The following ADAP1 variants were observed in gnomAD, a reference collection of about 807,000 sequenced individuals.
The protein encoded by ADAP1 is ArfGAP with dual PH domains 1.
In ADAP1, 31 loss-of-function variants were observed where a neutral mutation model predicts 54.9. That is an observed-to-expected ratio of 0.56 (90% CI 0.42 to 0.76). The LOEUF is 0.76. Among genes scored for constraint, ADAP1 ranks in the 30% least tolerant of loss-of-function variants. The probability of loss-of-function intolerance (pLI) is 0.00; values close to 1 mark genes in which losing one functional copy is unlikely to be tolerated. For synonymous variants in ADAP1, 313 were observed against 202.6 expected, an observed-to-expected ratio of 1.55 and a Z score of -4.63; for missense variants, 535 against 512.4, an observed-to-expected ratio of 1.04 and a Z score of -0.42.
intron 1 of ADAP1, among the ~76,000 whole-genome samples, chr7:941,782 T>G (rs1353958099): frequency 2.0e-5 from 3 of 152,118 alleles, no homozygotes; most frequent in African/African-American, 7.2e-5. Context: ...AAAATAGAAA[T>G]GAACAAGCTG....
intron 3 of ADAP1, among the ~76,000 whole-genome samples, chr7:924,085 G>GTAACTCCCCGC (rs1315383549): frequency 1.1e-4 from 5 of 45,836 alleles, no homozygotes; most frequent in African/African-American, 2.6e-4. Flanking sequence ...GGTCCACGCT[G>GTAACTCCCCGC]CACCCCCCGC....
intron 1 of ADAP1, among the ~76,000 whole-genome samples, chr7:939,297 G>A (rs1466812496): frequency 6.6e-6 from 1 of 152,080 alleles, no homozygotes; most frequent in Non-Finnish European, 1.5e-5. Context: ...TCAGCTCACT[G>A]CAACTTCTGC....
intron 1 of ADAP1, among the ~76,000 whole-genome samples, chr7:948,352 C>T (rs1298661735): frequency 1.3e-5 from 2 of 152,150 alleles, no homozygotes; most frequent in African/African-American, 2.4e-5. Flanking sequence ...GAATGGAACA[C>T]GCCCTGCAGA....
intron 1 of ADAP1, among the ~76,000 whole-genome samples, chr7:943,257 A>AGT (rs1363964146): frequency 3.8e-5 from 1 of 26,074 alleles, no homozygotes; most frequent in African/African-American, 3.2e-4. Flanking sequence ...GGAGGAAGGG[A>AGT]GAGGAGGAGG....
At chr7:905,261 G>A in intron 4 of ADAP1, 89 bp from the exon 5 acceptor site, 1 of 834,574 alleles carries the variant, frequency 1.2e-6, no homozygotes, top group Non-Finnish European at 1.9e-6. Flanking sequence ...AGGGGACATG[G>A]GGAGAAGACA....
chr7:920,089 G>A lies in ADAP1; in HGVS notation c.306-39C>T, dbSNP rs779719090. ...AGAGACTGAGCCACTGGGCCAAGGC[G>A]GCCTCCGACCCAGCACACGCCGCTC... is the stretch of plus-strand genomic sequence containing the variant. On this transcript the variant is annotated intron_variant, in intron 3 of 10. Coordinates refer to ENST00000265846, the MANE Select transcript of ADAP1 (RefSeq NM_006869.4). The surrounding 1 kb of genome is among the most constrained non-coding windows in gnomAD (Gnocchi z 4.5). 44 of 1,584,124 alleles carry A rather than the reference G, an allele frequency of 2.8e-5. No individual in the cohort carries two copies. The highest frequency in any genetic ancestry group is 4.0e-5 in the African/African-American group (3 of 74,404).
rs772677223 is a variant in ADAP1 at position 905,187 on chromosome 7, G to A, written c.389-15C>T. The A allele has an allele frequency of 1.2e-5, 20 of 1,604,838 alleles. No homozygotes were observed. The highest frequency in any genetic ancestry group is 1.6e-5 in the Non-Finnish European group (19 of 1,175,222). On this transcript the variant is annotated splice_polypyrimidine_tract_variant and intron_variant, in intron 4 of 10. Coordinates refer to ENST00000265846, the MANE Select transcript of ADAP1 (RefSeq NM_006869.4). ...CTCACGGTACCCTGTGGGGGAAAGG[G>A]GACACGAGTCGGTGACAGTGGATGG...
chr7:930,557 G>A (rs1331519982), intron 2 of ADAP1, among the ~76,000 whole-genome samples: 32 of 151,256 alleles, frequency 2.1e-4, no homozygotes, highest in East Asian at 2.0e-4. Context: ...GGTGGCTCAC[G>A]TCTGTAATCC....
At chr7:912,241 C>T (rs1005818866) in intron 4 of ADAP1, among the ~76,000 whole-genome samples, 4 of 152,152 alleles carry the variant, frequency 2.6e-5, no homozygotes, top group Non-Finnish European at 4.4e-5. Flanking sequence ...GCAGGAAGCC[C>T]CGCGTCTCAG....
At position 924,124 on chromosome 7, in the gene ADAP1, G is replaced by GTAACTCCCCGC. The variant is rs1430757539; in HGVS notation, c.305+2428_305+2429insGCGGGGAGTTA. Among the ~76,000 whole-genome samples, 211 of 33,132 alleles carry GTAACTCCCCGC rather than the reference G, an allele frequency of 6.4e-3. 4 individuals are homozygous for GTAACTCCCCGC. The highest frequency in any genetic ancestry group is 0.04 in the East Asian group (56 of 1,416). 21.7% of individuals were successfully genotyped at this position (33,132 alleles called of 152,430 possible). A position where few individuals can be genotyped will look rare whatever the true frequency, so the allele number is the denominator to read the frequency against. The stretch of plus-strand genomic sequence containing the variant: ...CCGGGTTACACTGCAGGTCCACGCT[G>GTAACTCCCCGC]CACCCCCCGCCCTCCGGGTTACACT... On this transcript the variant is annotated intron_variant, in intron 3 of 10. Transcript: ENST00000265846.
At chr7:940,143 G>A (rs1331677565) in intron 1 of ADAP1, among the ~76,000 whole-genome samples, 1 of 152,182 alleles carries the variant, frequency 6.6e-6, no homozygotes, top group East Asian at 1.9e-4. Flanking sequence ...AACATGAACA[G>A]CCTACTGGGG....
intron 4 of ADAP1, among the ~76,000 whole-genome samples, chr7:918,484 G>A (rs1473282915): frequency 6.6e-6 from 1 of 152,174 alleles, no homozygotes; most frequent in South Asian, 2.1e-4. Context: ...TAGGATTACA[G>A]GCCTGAGACA....
intron 1 of ADAP1, among the ~76,000 whole-genome samples, chr7:944,099 T>G (rs898124610): frequency 6.6e-6 from 1 of 151,988 alleles, no homozygotes; most frequent in African/African-American, 2.4e-5. Flanking sequence ...AAACTTTTTG[T>G]AGAAACAAGG....
At chr7:940,163 G>T (rs1197813899) in intron 1 of ADAP1, among the ~76,000 whole-genome samples, 1 of 151,978 alleles carries the variant, frequency 6.6e-6, no homozygotes, top group African/African-American at 2.4e-5. Flanking sequence ...GAGGGCTCAG[G>T]GAGTTAAATG....
intron 4 of ADAP1, among the ~76,000 whole-genome samples, chr7:908,786 G>A (rs574869550): frequency 2.6e-5 from 4 of 152,346 alleles, no homozygotes; most frequent in South Asian, 4.1e-4. Flanking sequence ...TGCCGCTCAC[G>A]GCCTTGTGTG....
intron 1 of ADAP1, among the ~76,000 whole-genome samples, chr7:941,882 GT>G: frequency 6.6e-6 from 1 of 152,230 alleles, no homozygotes; most frequent in East Asian, 1.9e-4. Flanking sequence ...AACACTACTT[GT>G]TTTCAGAACT....
At position 933,270 on chromosome 7, in the gene ADAP1, C is replaced by CA. The variant is rs1252751116; in HGVS notation, c.213+2104dup. 5.8e-3 allele frequency among the ~76,000 whole-genome samples: 790 copies of CA among 137,064 alleles called. 7 individuals are homozygous for CA. Among genetic ancestry groups the CA allele is most frequent in the African/African-American group, 0.016 (592 of 38,118 alleles). The allele number at this position is 137,064 out of a possible 152,430, so 89.9% of individuals were successfully genotyped here. ...TGGGCGACGAAGCCAGACTCCGTCT[C>CA]AAAAAAAAAAAAGAATTCCTGGGCT... On this transcript the variant is annotated intron_variant, in intron 2 of 10. Transcript: ENST00000265846.
intron 2 of ADAP1, among the ~76,000 whole-genome samples, chr7:929,021 C>CG (rs1406916604): frequency 1.3e-5 from 2 of 152,160 alleles, no homozygotes; most frequent in African/African-American, 2.4e-5. Flanking sequence ...CGGCCGGGCG[C>CG]GGGGGCTCAC....
At chr7:944,424 T>A (rs1264731951) in intron 1 of ADAP1, among the ~76,000 whole-genome samples, 1 of 151,816 alleles carries the variant, frequency 6.6e-6, no homozygotes, top group Non-Finnish European at 1.5e-5. Context: ...CTGGCTAATT[T>A]TTGTATTTTT....
Sources: allele counts gnomAD v4.1 joint callset (sites outside exome capture counted in the v4.1 genomes callset), GRCh38; gene constraint gnomAD v4.1.1; non-coding constraint Gnocchi (gnomAD v3.1); transcripts MANE v1.5; gene names NCBI Gene and HGNC (gene_info 2026-07-23, HGNC 2026-07-21).